ERICH5: variants seen among roughly 807,000 people sequenced by gnomAD.
The protein encoded by ERICH5 is glutamate-rich protein 5.
Under a neutral mutation model 28.0 loss-of-function variants are expected in ERICH5, and 24 were observed. That is an observed-to-expected ratio of 0.86 (90% confidence interval 0.62 to 1.21). ERICH5 has a LOEUF of 1.21. ERICH5 is among the 50% of genes most tolerant of loss of function. The pLI, the probability that ERICH5 is intolerant of heterozygous loss-of-function variation, is 0.00. For synonymous variants in ERICH5, 163 were observed against 157.6 expected (o/e 1.03, Z -0.25); for missense variants, 421 against 441.2 (o/e 0.95, Z 0.41).
rs374945438 is a variant in ERICH5, at chr8:98,083,606, G to GCACA, written c.59-5458_59-5455dup. Among the ~76,000 whole-genome samples, 7 of 150,882 alleles carry GCACA rather than the reference G, an allele frequency of 4.6e-5. No homozygotes were observed. The South Asian group carries it at 1.5e-3, about 32-fold the overall frequency. ...TGGGGATGCAGATATTGACACACAT[G>GCACA]CACACACACACACACCACTACCCTC... On this transcript the variant is annotated intron_variant, in intron 1 of 2. Coordinates refer to ENST00000318528, the MANE Select transcript of ERICH5 (RefSeq NM_173549.3).
intron 1 of ERICH5, among the ~76,000 whole-genome samples, chr8:98,072,368 C>G (rs1333732002): frequency 5.9e-5 from 9 of 152,178 alleles, no homozygotes; most frequent in Admixed American, 5.9e-4. Context: ...GGTGCAGTGG[C>G]TCATGCCTGT....
intron 1 of ERICH5, among the ~76,000 whole-genome samples, chr8:98,079,732 G>T (rs971539179): frequency 6.6e-6 from 1 of 152,098 alleles, no homozygotes; most frequent in African/African-American, 2.4e-5. Flanking sequence ...TAGAGACGGG[G>T]TTTCACCATG....
chr8:98,093,407 C>A lies in ERICH5; in HGVS notation c.*74C>A. 1 of 944,814 alleles carries A rather than the reference C, an allele frequency of 1.1e-6. No individual in the cohort carries two copies. Among genetic ancestry groups the A allele is most frequent in the East Asian group, 2.5e-5 (1 of 39,234 alleles). The allele number at this position is 944,814 out of a possible 1,614,324, so 58.5% of individuals were successfully genotyped here. On this transcript the variant is annotated 3_prime_UTR_variant, in exon 3 of 3. Transcript: ENST00000318528. ...GGTAGTGAAGCTTGTGGTTATGTATCTTATCTTTCTACATTTACATGTTTT... is the reference window on the plus strand; with the variant it reads ...GGTAGTGAAGCTTGTGGTTATGTATATTATCTTTCTACATTTACATGTTTT...
intron 1 of ERICH5, among the ~76,000 whole-genome samples, chr8:98,081,343 T>A (rs1467397033): frequency 6.6e-6 from 1 of 152,144 alleles, no homozygotes; most frequent in Non-Finnish European, 1.5e-5. Context: ...TGGGCTCAAG[T>A]GATCCACCTG....
intron 1 of ERICH5, among the ~76,000 whole-genome samples, chr8:98,075,234 G>A (rs545025202): frequency 2.0e-5 from 3 of 152,274 alleles, no homozygotes; most frequent in African/African-American, 7.2e-5. Context: ...GGGCGAAAAG[G>A]CAGATTTTTA....
chr8:98,088,556 C>T (rs755532143), intron 1 of ERICH5, among the ~76,000 whole-genome samples: 6 of 152,194 alleles, frequency 3.9e-5, no homozygotes, highest in Admixed American at 1.3e-4. Flanking sequence ...GGCTTCTCTG[C>T]CACAGTCCTT....
intron 1 of ERICH5, among the ~76,000 whole-genome samples, chr8:98,071,922 T>A (rs903696455): frequency 2.0e-5 from 3 of 151,876 alleles, no homozygotes; most frequent in Non-Finnish European, 4.4e-5. Flanking sequence ...TTTATTTTTT[T>A]TTTTTGGTAG....
At chr8:98,087,451 G>GA (rs1156871984) in intron 1 of ERICH5, among the ~76,000 whole-genome samples, 3 of 148,278 alleles carry the variant, frequency 2.0e-5, no homozygotes, top group Non-Finnish European at 3.0e-5. Context: ...AGGGAAAAAA[G>GA]AAAAGAAGAA....
In ERICH5 at chr8:98,069,053, G is replaced by C. The variant is rs112741679; in HGVS notation, c.58+4326G>C. 6.4e-3 allele frequency among the ~76,000 whole-genome samples: 970 copies of C among 152,222 alleles called. 5 individuals carry two copies. Among genetic ancestry groups the C allele is most frequent in the Middle Eastern group, 0.014 (4 of 294 alleles). On this transcript the variant is annotated intron_variant, in intron 1 of 2. Transcript: ENST00000318528. ...CTAACTAGACAAAAGTTTTCCTTTT[G>C]AATTGAAGAACAAACATCATAAACA...
intron 1 of ERICH5, among the ~76,000 whole-genome samples, chr8:98,070,837 A>T (rs777583392): frequency 6.6e-6 from 1 of 152,064 alleles, no homozygotes; most frequent in Non-Finnish European, 1.5e-5. Context: ...ATCAGAACCT[A>T]ATGAATACCA....
Position 98,089,264 on chromosome 8 carries a change from C to G in ERICH5, c.247C>G (p.Pro83Ala), listed in dbSNP as rs773034419. The G allele has an allele frequency of 6.2e-7, 1 of 1,614,242 alleles. No homozygotes were observed. Among genetic ancestry groups the G allele is most frequent in the Non-Finnish European group, 8.5e-7 (1 of 1,180,036 alleles). ...TGGTGTTAAACCCCTCCAAGAACAG[C>G]CCCTGGCCAAGGACGTAGCCCCTGG... ...ANGVKPLQEQ[P>A]LAKDVAPGRD... The change falls in exon 2 of 3, where the codon CCC becomes GCC. Residue 83 changes from proline (P) to alanine (A), a missense_variant. Transcript: ENST00000318528.
At position 98,089,542 on chromosome 8, in the gene ERICH5, C is replaced by G; in HGVS notation, c.525C>G (p.Val175=). ...VEKDSLRAVE[V]TENPQTAAEM... ...AGGACTCTCTCAGAGCAGTGGAGGT[C>G]ACTGAGAATCCACAAACTGCTGCAG... Residue 175 remains valine, a synonymous_variant, in exon 2 of 3, where the codon GTC becomes GTG. Coordinates refer to ENST00000318528, the MANE Select transcript of ERICH5 (RefSeq NM_173549.3). 1 of 1,614,152 alleles carries G rather than the reference C, an allele frequency of 6.2e-7. No individual in the cohort carries two copies. Among genetic ancestry groups the G allele is most frequent in the Non-Finnish European group, 8.5e-7 (1 of 1,180,022 alleles).
intron 1 of ERICH5, among the ~76,000 whole-genome samples, chr8:98,069,965 A>G (rs968438455): frequency 2.6e-5 from 4 of 152,228 alleles, no homozygotes; most frequent in Non-Finnish European, 5.9e-5. Flanking sequence ...TTGTGATCTT[A>G]TTTAATCCTC....
At chr8:98,090,103 G>T (rs1298180333) in intron 2 of ERICH5, 74 bp downstream of exon 2, 2 of 1,119,380 alleles carry the variant, frequency 1.8e-6, no homozygotes, top group East Asian at 4.8e-5. Flanking sequence ...GTGGGATGGG[G>T]TGACTGACAC....
At chr8:98,075,859 C>T (rs1200282617) in intron 1 of ERICH5, among the ~76,000 whole-genome samples, 1 of 141,786 alleles carries the variant, frequency 7.1e-6, no homozygotes, top group Non-Finnish European at 1.5e-5. Context: ...AAGTTATTCA[C>T]CCATCCAAAG....
In ERICH5 at chr8:98,089,359, G is replaced by A; in HGVS notation, c.342G>A (p.Gly114=). Residue 114 remains glycine (G), a synonymous_variant, in exon 2 of 3, where the codon GGG becomes GGA. Transcript: ENST00000318528. ...CTGGAGAGGGACTGGAGGAATCTGGGCCGCCTCAACCAGGTGGCAAAGAGG... is the reference window on the plus strand; with the variant it reads ...CTGGAGAGGGACTGGAGGAATCTGGACCGCCTCAACCAGGTGGCAAAGAGG... ...TQPGEGLEES[G]PPQPGGKEDA... is the part of the protein sequence containing the mutation. 1.2e-6 allele frequency: 2 copies of A among 1,614,252 alleles called. No homozygotes were observed. The highest frequency in any genetic ancestry group is 2.2e-5 in the East Asian group (1 of 44,892).
chr8:98,089,893 T>A lies in ERICH5; in HGVS notation c.876T>A (p.Gly292=), dbSNP rs140159231. Residue 292 remains glycine, a synonymous_variant, in exon 2 of 3, where the codon GGT becomes GGA. Transcript: ENST00000318528. The part of the protein sequence containing the change: ...MNDPFHKTPE[G]PGNMEQIQPE... ...ATCCATTCCATAAAACTCCTGAAGG[T>A]CCAGGAAACATGGAGCAGATTCAAC... The A allele has an allele frequency of 1.2e-5, 19 of 1,614,036 alleles. No homozygotes were observed. The African/African-American group carries it at 2.5e-4, about 22-fold the overall frequency.
At chr8:98,086,747 G>C (rs975164344) in intron 1 of ERICH5, among the ~76,000 whole-genome samples, 30 of 151,970 alleles carry the variant, frequency 2.0e-4, no homozygotes, top group Non-Finnish European at 3.8e-4. Context: ...TCATGAGATC[G>C]AGACCATCCT....
chr8:98,077,984 T>TA (rs1563754827), intron 1 of ERICH5, among the ~76,000 whole-genome samples: 1 of 152,216 alleles, frequency 6.6e-6, no homozygotes, highest in Admixed American at 6.5e-5. Context: ...GTGCTTTTAT[T>TA]AAAAAAGAAA....
Sources: gnomAD v4.1 joint callset for allele counts (sites outside exome capture counted in the v4.1 genomes callset) on GRCh38, gnomAD v4.1.1 for gene constraint, MANE v1.5 for transcripts, NCBI Gene and HGNC (gene_info 2026-07-23, HGNC 2026-07-21) for gene names.